The following PCDHA6 variants were observed in gnomAD, a reference collection of about 807,000 sequenced individuals.
PCDHA6 encodes the protein protocadherin alpha 6, also known as protocadherin alpha-6.
In PCDHA6, 55 loss-of-function variants were observed where a neutral mutation model predicts 60.3. The observed-to-expected ratio is 0.91, with a 90% CI of 0.73 to 1.14. The LOEUF (loss-of-function observed/expected upper bound fraction) is 1.14, where lower values mean the gene tolerates loss of function less well. Ranked by LOEUF, PCDHA6 falls within the 50% of genes most tolerant of loss-of-function variation. The probability of loss-of-function intolerance (pLI) is 0.00; values close to 1 mark genes in which losing one functional copy is unlikely to be tolerated. For synonymous variants in PCDHA6, 652 were observed against 557.9 expected, an observed-to-expected ratio of 1.17 and a Z score of -2.38; for missense variants, 1,327 against 1,256.5, an observed-to-expected ratio of 1.06 and a Z score of -0.85.
intron 1 of PCDHA6, chr5:140,866,875 A>C (rs2049624381): frequency 6.6e-6 from 1 of 152,142 alleles, no homozygotes; most frequent in Admixed American, 6.5e-5. Flanking sequence ...ACTTCTTGGT[A>C]TTAGCCTATA....
chr5:140,997,866 TG>T (rs1554256038), intron 3 of PCDHA6, among the ~76,000 whole-genome samples: 1 of 152,216 alleles, frequency 6.6e-6, no homozygotes, highest in African/African-American at 2.4e-5. Context: ...TTCTTATGCA[TG>T]CTTGCTAGTA....
At chr5:140,870,346 G>A in intron 1 of PCDHA6, 5 of 1,614,236 alleles carry the variant, frequency 3.1e-6, no homozygotes, top group Non-Finnish European at 4.2e-6. Context: ...CCTGGACCGC[G>A]AGAACGTGTG....
intron 1 of PCDHA6, chr5:140,877,791 C>T: frequency 6.2e-7 from 1 of 1,614,022 alleles, no homozygotes. Flanking sequence ...TGGCCTTCAG[C>T]CCAAGCCTTC....
chr5:140,957,652 A>G (rs2095373583), intron 1 of PCDHA6, among the ~76,000 whole-genome samples: 1 of 152,132 alleles, frequency 6.6e-6, no homozygotes, highest in African/African-American at 2.4e-5. Flanking sequence ...TAAATATTCA[A>G]TCATGGAGTA....
At chr5:140,880,684 A>G (rs903335932) in intron 1 of PCDHA6, among the ~76,000 whole-genome samples, 27 of 152,226 alleles carry the variant, frequency 1.8e-4, no homozygotes, top group Admixed American at 1.2e-3. Flanking sequence ...TGAAGAGAAT[A>G]GTCATGGTTA....
intron 1 of PCDHA6, among the ~76,000 whole-genome samples, chr5:140,846,785 T>C (rs1780675366): frequency 6.7e-6 from 1 of 149,494 alleles, no homozygotes; most frequent in South Asian, 2.1e-4. Flanking sequence ...GAATTATTAC[T>C]GAGCCCCAGC....
chr5:140,949,277 G>T (rs934497662), intron 1 of PCDHA6, among the ~76,000 whole-genome samples: 2 of 151,734 alleles, frequency 1.3e-5, no homozygotes, highest in African/African-American at 2.4e-5. Context: ...CACTTGAAAA[G>T]AATGTATATT....
At chr5:140,880,643 A>G (rs937655917) in intron 1 of PCDHA6, among the ~76,000 whole-genome samples, 1 of 152,198 alleles carries the variant, frequency 6.6e-6, no homozygotes, top group African/African-American at 2.4e-5. Context: ...TTCACTTGAG[A>G]GCCCAACTGA....
At chr5:140,953,126 C>T (rs1284922743) in intron 1 of PCDHA6, among the ~76,000 whole-genome samples, 2 of 152,096 alleles carry the variant, frequency 1.3e-5, no homozygotes, top group African/African-American at 2.4e-5. Flanking sequence ...AGATCTAAAC[C>T]GTATCACTGT....
rs1368587662 is a variant in PCDHA6 at position 140,863,465 on chromosome 5, T to C, written c.2394+32980T>C. 19 of 507,706 alleles carry C rather than the reference T, an allele frequency of 3.7e-5. No individual in the cohort carries two copies. The Admixed American group carries it at 3.9e-4, about 10-fold the overall frequency. 31.5% of individuals were successfully genotyped at this position (507,706 alleles called of 1,614,324 possible). Reference sequence around the variant, plus strand: ...ACTCGCAGCAAAGGAGATTTTACTCTGGAGAGTCGCCTCCCAAGGTCAACA... The same window carrying C: ...ACTCGCAGCAAAGGAGATTTTACTCCGGAGAGTCGCCTCCCAAGGTCAACA... On this transcript the variant is annotated intron_variant, in intron 1 of 3. Coordinates refer to ENST00000529310, the MANE Select transcript of PCDHA6 (RefSeq NM_018909.4).
At chr5:140,987,334 C>A (rs925665306) in intron 3 of PCDHA6, among the ~76,000 whole-genome samples, 1 of 152,086 alleles carries the variant, frequency 6.6e-6, no homozygotes, top group East Asian at 1.9e-4. Flanking sequence ...AAGAACTGGT[C>A]TAAGGTAAAT....
intron 1 of PCDHA6, chr5:140,858,271 C>A: frequency 6.3e-7 from 1 of 1,597,124 alleles, no homozygotes. Flanking sequence ...TGTGCTCTAG[C>A]GCGGTGGGGA....
At chr5:140,844,894 C>G (rs2150374853) in intron 1 of PCDHA6, among the ~76,000 whole-genome samples, 6 of 149,362 alleles carry the variant, frequency 4.0e-5, no homozygotes, top group African/African-American at 1.2e-4. Context: ...GTGCATATTG[C>G]TTTGGAGAGA....
intron 1 of PCDHA6, among the ~76,000 whole-genome samples, chr5:140,890,847 C>A (rs2062829860): frequency 1.3e-5 from 2 of 152,148 alleles, no homozygotes. Flanking sequence ...AGTTTTGTTT[C>A]TCTTCCTTAC....
chr5:140,942,316 A>G (rs1197832358), intron 1 of PCDHA6, among the ~76,000 whole-genome samples: 1 of 152,100 alleles, frequency 6.6e-6, no homozygotes, highest in Non-Finnish European at 1.5e-5. Flanking sequence ...AGGTCGAGGC[A>G]CAAGAATCAC....
chr5:140,893,725 C>A (rs782492563), intron 1 of PCDHA6, among the ~76,000 whole-genome samples: 4 of 152,154 alleles, frequency 2.6e-5, no homozygotes, highest in Non-Finnish European at 5.9e-5. Context: ...GCTGAGAAAT[C>A]TGCTGTTAGT....
chr5:140,849,601 T>G lies in PCDHA6; in HGVS notation c.2394+19116T>G, dbSNP rs2150442110. ...GAGGACGCACAACTGGGGACAGTTA[T>G]TGCCCTGATTAGTGTGATCGACCTA... is the stretch of plus-strand genomic sequence containing the variant. On this transcript the variant is annotated intron_variant, in intron 1 of 3. Transcript: ENST00000529310. The G allele has an allele frequency of 3.9e-5, 63 of 1,598,652 alleles. 7 individuals carry two copies. The highest frequency in any genetic ancestry group is 2.7e-4 in the South Asian group (24 of 90,564).
chr5:140,850,161 C>G, intron 1 of PCDHA6: 1 of 1,594,998 alleles, frequency 6.3e-7, no homozygotes, highest in Non-Finnish European at 8.6e-7. Context: ...GGTGTTCGTG[C>G]TGGACGAGAA....
chr5:140,915,832 A>T (rs1297251550), intron 1 of PCDHA6, among the ~76,000 whole-genome samples: 1 of 152,084 alleles, frequency 6.6e-6, no homozygotes, highest in Non-Finnish European at 1.5e-5. Context: ...GGGCTCTAAG[A>T]TCAGCAGGGG....
Sources: gnomAD v4.1 joint callset for allele counts (sites outside exome capture counted in the v4.1 genomes callset) on GRCh38, gnomAD v4.1.1 for gene constraint, MANE v1.5 for transcripts, NCBI Gene and HGNC (gene_info 2026-07-23, HGNC 2026-07-21) for gene names.